The following PLK4 variants were observed in gnomAD, a reference collection of about 807,000 sequenced individuals.
PLK4 encodes polo like kinase 4, also known as serine/threonine-protein kinase PLK4.
PLK4 carries 51 observed loss-of-function variants against 103.0 expected under a neutral mutation model. That is an observed-to-expected ratio of 0.50 (90% CI 0.40 to 0.63). The LOEUF is 0.63. Ranked by LOEUF, PLK4 falls within the 20% of genes least tolerant of loss-of-function variation. The pLI, the probability that PLK4 is intolerant of heterozygous loss-of-function variation, is 0.00. For synonymous variants in PLK4, 389 were observed against 376.8 expected (o/e 1.03, Z -0.38); for missense variants, 1,054 against 1,151.0 (o/e 0.92, Z 1.22).
chr4:127,885,171 C>G (rs1394325223), intron 4 of PLK4, among the ~76,000 whole-genome samples: 1 of 151,892 alleles, frequency 6.6e-6, no homozygotes, highest in African/African-American at 2.4e-5. Context: ...AAAGGAATGC[C>G]TAGTTTTCTT....
At position 127,883,558 on chromosome 4, in the gene PLK4, G is replaced by A. The variant is rs777636200; in HGVS notation, c.337+5G>A. 1 of 1,320,066 alleles carries A rather than the reference G, an allele frequency of 7.6e-7. No individual in the cohort carries two copies. Among genetic ancestry groups the A allele is most frequent in the Non-Finnish European group, 1.1e-6 (1 of 930,240 alleles). 81.8% of individuals were successfully genotyped at this position (1,320,066 alleles called of 1,614,324 possible). A position where few individuals can be genotyped will look rare whatever the true frequency, so the allele number is the denominator to read the frequency against. On this transcript the variant is annotated splice_donor_5th_base_variant and intron_variant, in intron 4 of 15. Coordinates refer to ENST00000270861, the MANE Select transcript of PLK4 (RefSeq NM_014264.5). Reference sequence around the variant, plus strand: ...AACCCTTCTCAGAAAATGAAGGTAGGTGTGTGGTTTTTTTTGTTTGTTTTG... The same window carrying A: ...AACCCTTCTCAGAAAATGAAGGTAGATGTGTGGTTTTTTTTGTTTGTTTTG...
chr4:127,881,515 G>A, intron 1 of PLK4: 1 of 840,152 alleles, frequency 1.2e-6, no homozygotes, highest in Non-Finnish European at 1.7e-6. Flanking sequence ...AGCTGCGGCG[G>A]GATTCTGACC....
chr4:127,896,641 C>T (rs534628418), intron 14 of PLK4, among the ~76,000 whole-genome samples, 160 bp from the exon 15 acceptor site: 1 of 151,912 alleles, frequency 6.6e-6, no homozygotes, highest in Admixed American at 6.6e-5. Context: ...AATTTGTAGT[C>T]ACTTAGAGAG....
chr4:127,884,593 C>G (rs1359453102), intron 4 of PLK4, among the ~76,000 whole-genome samples: 4 of 152,148 alleles, frequency 2.6e-5, no homozygotes, highest in Non-Finnish European at 5.9e-5. Context: ...CACCTGAGGT[C>G]AGGAGTTCGA....
chr4:127,891,195 C>T lies in PLK4; in HGVS notation c.1934C>T (p.Thr645Met), dbSNP rs756811050. Residue 645 changes from threonine (T) to methionine (M), a missense_variant and splice_region_variant, in exon 8 of 16, where the codon ACG becomes ATG. Around this residue, in one of 4 missense-constraint regions of PLK4, gnomAD observed 680 missense variants for 660.3 expected, o/e 1.03. Coordinates refer to ENST00000270861, the MANE Select transcript of PLK4 (RefSeq NM_014264.5). ...CTTCAGATATCTAGTGATGGAAATA[C>T]GGTAATGTGTAGTTACTTTATTACC... The part of the protein sequence containing the change: ...EVLQISSDGN[T>M]ITIYYPNGGR... The T allele has an allele frequency of 9.2e-6, 13 of 1,418,234 alleles. No individual in the cohort carries two copies. Among genetic ancestry groups the T allele is most frequent in the Admixed American group, 3.5e-5 (2 of 57,164 alleles). 87.9% of individuals were successfully genotyped at this position (1,418,234 alleles called of 1,614,324 possible).
chr4:127,886,599 G>T lies in PLK4; in HGVS notation c.1229G>T (p.Arg410Ile), dbSNP rs773353771. ...GCAGAAATGCTTTCAGTGTCCAAAA[G>T]ATCAGGAGGAGGTGAAAATGAAGAG... ...HSAEMLSVSK[R>I]SGGGENEERY... is the part of the protein sequence containing the mutation. Residue 410 changes from arginine to isoleucine, a missense_variant, in exon 5 of 16, where the codon AGA becomes ATA. By Grantham distance (97) the Arg-to-Ile change is moderately conservative. Around this residue, in one of 4 missense-constraint regions of PLK4, gnomAD observed 680 missense variants for 660.3 expected, o/e 1.03. Transcript: ENST00000270861. The T allele has an allele frequency of 3.8e-5, 61 of 1,613,958 alleles. No homozygotes were observed. Among genetic ancestry groups the T allele is most frequent in the Non-Finnish European group, 5.0e-5 (59 of 1,179,958 alleles).
intron 7 of PLK4, 182 bp from the exon 8 acceptor site, chr4:127,890,910 C>G (rs1735331010): frequency 2.5e-6 from 1 of 401,992 alleles, no homozygotes; most frequent in Non-Finnish European, 4.4e-6. Flanking sequence ...TAACTTTGCA[C>G]CATATGGTTC....
At position 127,886,088 on chromosome 4, in the gene PLK4, G is replaced by A. The variant is rs779509435; in HGVS notation, c.718G>A (p.Asp240Asn). The change falls in exon 5 of 16, where the codon GAC becomes AAC. Residue 240 changes from aspartate to asparagine, a missense_variant. Asp to Asn is a conservative substitution (Grantham distance 23). Around this residue, in one of 4 missense-constraint regions of PLK4, gnomAD observed 680 missense variants for 660.3 expected, o/e 1.03. Coordinates refer to ENST00000270861, the MANE Select transcript of PLK4 (RefSeq NM_014264.5). ...MPSFLSIEAK[D>N]LIHQLLRRNP... ...ATCTTTTTTGTCAATAGAGGCCAAG[G>A]ACCTTATTCACCAGTTACTTCGTAG... 2 of 1,614,192 alleles carry A rather than the reference G, an allele frequency of 1.2e-6. No homozygotes were observed. Among genetic ancestry groups the A allele is most frequent in the South Asian group, 1.1e-5 (1 of 91,086 alleles).
At chr4:127,892,110 T>G (rs1206247633) in intron 9 of PLK4, 3 of 277,858 alleles carry the variant, frequency 1.1e-5, no homozygotes, top group Non-Finnish European at 2.0e-5. Flanking sequence ...ATGTGGCTTT[T>G]GAGCTTTGAA....
chr4:127,881,985 G>A, intron 2 of PLK4, 59 bp downstream of exon 2: 1 of 919,414 alleles, frequency 1.1e-6, no homozygotes, highest in Non-Finnish European at 1.8e-6. Context: ...AGAGGTATCA[G>A]AGATGTCAGA....
chr4:127,887,270 T>G, intron 5 of PLK4, 126 bp from the exon 6 acceptor site: 1 of 621,810 alleles, frequency 1.6e-6, no homozygotes. Context: ...CAATATTGTT[T>G]TCTATAGTTA....
At chr4:127,897,453 A>G (rs1735611427) in intron 15 of PLK4, among the ~76,000 whole-genome samples, 1 of 152,226 alleles carries the variant, frequency 6.6e-6, no homozygotes, top group Admixed American at 6.5e-5. Flanking sequence ...TTCCTCATTT[A>G]AATCAGAACT....
At position 127,893,774 on chromosome 4, in the gene PLK4, C is replaced by T. The variant is rs756034015; in HGVS notation, c.2455C>T (p.Pro819Ser). ...STSSPKALSP[P>S]PSVDSNYPTR... ...TAGTTCACCTAAGGCCTTATCACCT[C>T]CTCCTTCTGTGGATTCAAATTACCC... Residue 819 changes from proline (P) to serine (S), a missense_variant, in exon 13 of 16, where the codon CCT becomes TCT. Physicochemically the swap from Pro to Ser is moderately conservative, Grantham distance 74. Coordinates refer to ENST00000270861, the MANE Select transcript of PLK4 (RefSeq NM_014264.5). 10 of 1,613,152 alleles carry T rather than the reference C, an allele frequency of 6.2e-6. No individual in the cohort carries two copies. The highest frequency in any genetic ancestry group is 7.6e-6 in the Non-Finnish European group (9 of 1,179,152).
intron 9 of PLK4, 137 bp from the exon 10 acceptor site, chr4:127,892,228 G>A (rs1259686999): frequency 3.5e-6 from 2 of 569,802 alleles, no homozygotes; most frequent in Non-Finnish European, 6.0e-6. Context: ...TGAATAGTAA[G>A]CCTTCATTGA....
At chr4:127,897,218 T>G (rs1377181512) in intron 15 of PLK4, among the ~76,000 whole-genome samples, 1 of 152,206 alleles carries the variant, frequency 6.6e-6, no homozygotes, top group African/African-American at 2.4e-5. Flanking sequence ...TAGGTTCAAA[T>G]AATATACCAA....
chr4:127,888,229 T>G lies in PLK4; in HGVS notation c.1459+733T>G, dbSNP rs1381982112. ...AAAAAAAAAGCATTTTCAGTACGTC[T>G]CAATAAAGCTCTGTTACAATATTTG... is the stretch of plus-strand genomic sequence containing the variant. On this transcript the variant is annotated intron_variant, in intron 6 of 15. Coordinates refer to ENST00000270861, the MANE Select transcript of PLK4 (RefSeq NM_014264.5). 3.3e-5 allele frequency among the ~76,000 whole-genome samples: 4 copies of G among 120,616 alleles called. No homozygotes were observed. The Admixed American group carries it at 3.6e-4, about 11-fold the overall frequency. 79.1% of individuals were successfully genotyped at this position (120,616 alleles called of 152,430 possible).
rs1734900199 is a variant in PLK4, at chr4:127,881,146, C to T, written c.12C>T (p.Cys4=). The T allele has an allele frequency of 1.9e-6, 3 of 1,613,992 alleles. No individual in the cohort carries two copies. Among genetic ancestry groups the T allele is most frequent in the Non-Finnish European group, 2.5e-6 (3 of 1,180,010 alleles). Residue 4 remains cysteine (C), a synonymous_variant, in exon 1 of 16, where the codon TGC becomes TGT. Coordinates refer to ENST00000270861, the MANE Select transcript of PLK4 (RefSeq NM_014264.5). ...CAGAGCCTGGAAATATGGCGACCTGCATCGGGGAGAAGATCGAGGTGAAAA... is the reference window on the plus strand; with the variant it reads ...CAGAGCCTGGAAATATGGCGACCTGTATCGGGGAGAAGATCGAGGTGAAAA... MAT[C]IGEKIEDFKV...
rs190332395 is a variant in PLK4 at position 127,894,109 on chromosome 4, T to G, written c.2562+228T>G. 1.1e-4 allele frequency among the ~76,000 whole-genome samples: 16 copies of G among 152,340 alleles called. No homozygotes were observed. The East Asian group carries it at 2.3e-3, about 22-fold the overall frequency. ...TGCTGTTCACTTGACCTGGAACTCT[T>G]TTCCCCAACCACTTAACTTTATATG... On this transcript the variant is annotated intron_variant, in intron 13 of 15. Transcript: ENST00000270861.
chr4:127,895,076 G>A lies in PLK4; in HGVS notation c.2686G>A (p.Val896Ile), dbSNP rs771469288. ...QLLKSVFVKN[V>I]GWATQLTSGA... ...TTTGAAATCTGTTTTTGTGAAAAAT[G>A]TTGGTTGGGCTACACAGGTGAGAAG... The change falls in exon 14 of 16, where the codon GTT (valine) becomes ATT (isoleucine). Residue 896 changes from valine (V) to isoleucine (I), a missense_variant. Physicochemically the swap from Val to Ile is conservative, Grantham distance 29. Coordinates refer to ENST00000270861, the MANE Select transcript of PLK4 (RefSeq NM_014264.5). 3 of 1,611,766 alleles carry A rather than the reference G, an allele frequency of 1.9e-6. No homozygotes were observed. The highest frequency in any genetic ancestry group is 4.5e-5 in the East Asian group (2 of 44,722).
Sources: gnomAD v4.1 joint callset for allele counts (sites outside exome capture counted in the v4.1 genomes callset) on GRCh38, gnomAD v4.1.1 for gene constraint, gnomAD v4.1.1 regional missense constraint, MANE v1.5 for transcripts, NCBI Gene and HGNC (gene_info 2026-07-23, HGNC 2026-07-21) for gene names.